Variants in CSNK2A2 observed in about 807,000 individuals in gnomAD.
CSNK2A2 encodes the protein casein kinase 2 alpha 2.
In CSNK2A2, 8 loss-of-function variants were observed where a neutral mutation model predicts 54.0. The observed-to-expected ratio is 0.15, with a 90% CI of 0.09 to 0.27. The LOEUF (loss-of-function observed/expected upper bound fraction) is 0.27, where lower values mean the gene tolerates loss of function less well. CSNK2A2 is among the 10% of genes least tolerant of loss of function. The pLI is 1.00. For synonymous variants in CSNK2A2, 141 were observed against 153.9 expected (o/e 0.92, Z 0.62); for missense variants, 242 against 439.4 (o/e 0.55, Z 4.02).
At chr16:58,168,137 C>A (rs922114962) in intron 6 of CSNK2A2, among the ~76,000 whole-genome samples, 1 of 151,996 alleles carries the variant, frequency 6.6e-6, no homozygotes, top group African/African-American at 2.4e-5. Context: ...AAGCTCCAGG[C>A]GTCAGTGAAA....
At chr16:58,184,137 A>G in intron 4 of CSNK2A2, 123 bp downstream of exon 4, 1 of 699,016 alleles carries the variant, frequency 1.4e-6, no homozygotes, top group African/African-American at 1.8e-5. Flanking sequence ...TAAGGAACCC[A>G]ATTTGTTATT....
intron 4 of CSNK2A2, among the ~76,000 whole-genome samples, chr16:58,175,718 T>A (rs1961859424): frequency 6.6e-6 from 1 of 152,190 alleles, no homozygotes; most frequent in African/African-American, 2.4e-5. Context: ...AGAACCAAAT[T>A]TAACATTTTC....
At chr16:58,188,453 A>T (rs986206502) in intron 2 of CSNK2A2, among the ~76,000 whole-genome samples, 3 of 152,272 alleles carry the variant, frequency 2.0e-5, no homozygotes, top group South Asian at 2.1e-4. Context: ...CCGGCCTGTA[A>T]GATCAAACAC....
chr16:58,196,692 G>A (rs777014478), intron 2 of CSNK2A2, 41 bp downstream of exon 2: 5 of 1,318,362 alleles, frequency 3.8e-6, no homozygotes, highest in South Asian at 3.5e-5. Flanking sequence ...CTTTTGCCCT[G>A]TGGGGAGGAA....
chr16:58,190,585 T>G (rs1466951095), intron 2 of CSNK2A2, among the ~76,000 whole-genome samples: 2 of 152,228 alleles, frequency 1.3e-5, no homozygotes, highest in Non-Finnish European at 2.9e-5. Flanking sequence ...CTTTCAAGTT[T>G]CATCACCCCA....
intron 5 of CSNK2A2, among the ~76,000 whole-genome samples, chr16:58,172,174 G>T (rs1216840243): frequency 1.3e-5 from 2 of 150,178 alleles, no homozygotes; most frequent in African/African-American, 4.9e-5. Context: ...TATGGGCAGT[G>T]GTTACTAACT....
chr16:58,158,568 C>T (rs148313627), intron 11 of CSNK2A2, among the ~76,000 whole-genome samples: 51 of 152,336 alleles, frequency 3.3e-4, no homozygotes, highest in Non-Finnish European at 5.0e-4. Flanking sequence ...GTCTCTAGCA[C>T]GGCCTTCTGT....
intron 11 of CSNK2A2, chr16:58,161,458 A>C (rs1961355340): frequency 6.6e-6 from 1 of 152,150 alleles, no homozygotes; most frequent in Non-Finnish European, 1.5e-5. Context: ...TTAAGAAAGA[A>C]TATGCTAACT....
chr16:58,166,531 T>C, intron 9 of CSNK2A2, 53 bp downstream of exon 9: 1 of 1,281,562 alleles, frequency 7.8e-7, no homozygotes, highest in South Asian at 1.2e-5. Context: ...GGCTAACCTT[T>C]CCACTTCTGA....
chr16:58,174,705 A>G (rs1961830873), intron 4 of CSNK2A2, among the ~76,000 whole-genome samples, 195 bp from the exon 5 acceptor site: 1 of 152,210 alleles, frequency 6.6e-6, no homozygotes, highest in African/African-American at 2.4e-5. Context: ...AGAGAAGAAA[A>G]AAAAAAATGG....
intron 2 of CSNK2A2, among the ~76,000 whole-genome samples, chr16:58,187,560 T>G (rs1891793228): frequency 6.6e-6 from 1 of 152,260 alleles, no homozygotes; most frequent in Non-Finnish European, 1.5e-5. Flanking sequence ...ACTCTCATTA[T>G]ACATATTACT....
chr16:58,171,981 T>TATATATA (rs1567466368), intron 5 of CSNK2A2, among the ~76,000 whole-genome samples: 148 of 54,174 alleles, frequency 2.7e-3, no homozygotes, highest in African/African-American at 0.011. Flanking sequence ...ATATATATAT[T>TATATATA]TTTTTTTTTT....
chr16:58,165,145 T>C (rs1473059401), intron 10 of CSNK2A2, among the ~76,000 whole-genome samples: 1 of 152,236 alleles, frequency 6.6e-6, no homozygotes, highest in African/African-American at 2.4e-5. Flanking sequence ...CAAATTCCTT[T>C]CGTCCATCCA....
At chr16:58,180,179 G>A (rs568159252) in intron 4 of CSNK2A2, among the ~76,000 whole-genome samples, 4 of 151,770 alleles carry the variant, frequency 2.6e-5, no homozygotes, top group Non-Finnish European at 5.9e-5. Context: ...AAAGTTGAAG[G>A]AAGAAAGAAG....
At chr16:58,172,777 G>A (rs924467736) in intron 5 of CSNK2A2, among the ~76,000 whole-genome samples, 12 of 152,182 alleles carry the variant, frequency 7.9e-5, no homozygotes, top group Admixed American at 2.0e-4. Flanking sequence ...CATGAATGAC[G>A]TTTTTCAAGT....
At chr16:58,168,780 G>A in intron 5 of CSNK2A2, 87 bp from the exon 6 acceptor site, 1 of 1,045,070 alleles carries the variant, frequency 9.6e-7, no homozygotes, top group Non-Finnish European at 1.4e-6. Flanking sequence ...GTGACACCTT[G>A]ACTTGAATAC....
chr16:58,186,432 T>C (rs772827419), intron 3 of CSNK2A2, among the ~76,000 whole-genome samples: 2 of 152,186 alleles, frequency 1.3e-5, no homozygotes, highest in Non-Finnish European at 2.9e-5. Flanking sequence ...GTAACACAAA[T>C]TGGCAGTAAT....
At chr16:58,176,666 C>G (rs1439395645) in intron 4 of CSNK2A2, among the ~76,000 whole-genome samples, 1 of 152,176 alleles carries the variant, frequency 6.6e-6, no homozygotes, top group Non-Finnish European at 1.5e-5. Flanking sequence ...CCACTCTTCC[C>G]TCTCTAGCCC....
chr16:58,191,165 G>A (rs1962312058), intron 2 of CSNK2A2, among the ~76,000 whole-genome samples: 1 of 152,176 alleles, frequency 6.6e-6, no homozygotes, highest in Non-Finnish European at 1.5e-5. Context: ...GATACCTGGA[G>A]TAGTCAAATT....
Sources: allele counts gnomAD v4.1 joint callset (sites outside exome capture counted in the v4.1 genomes callset), GRCh38; gene constraint gnomAD v4.1.1; transcripts MANE v1.5; gene names NCBI Gene and HGNC (gene_info 2026-07-23, HGNC 2026-07-21).